ARNT2: variants seen among roughly 807,000 people sequenced by gnomAD.
The protein encoded by ARNT2 is aryl hydrocarbon receptor nuclear translocator 2.
ARNT2 carries 36 observed loss-of-function variants against 91.7 expected under a neutral mutation model. The observed-to-expected ratio is 0.39, with a 90% confidence interval of 0.30 to 0.52. The LOEUF is 0.52. Among genes scored for constraint, ARNT2 ranks in the 20% least tolerant of loss-of-function variants. The probability of loss-of-function intolerance (pLI) is 0.72; values close to 1 mark genes in which losing one functional copy is unlikely to be tolerated. For missense variants in ARNT2, 775 were observed against 939.3 expected, an observed-to-expected ratio of 0.83 and a Z score of 2.29; for synonymous variants, 365 against 347.1, an observed-to-expected ratio of 1.05 and a Z score of -0.57.
intron 2 of ARNT2, among the ~76,000 whole-genome samples, chr15:80,453,510 A>G (rs1225688588): frequency 1.3e-5 from 2 of 152,196 alleles, no homozygotes; most frequent in Non-Finnish European, 2.9e-5. Context: ...TGACGTTTTT[A>G]CATGTTTTGC....
chr15:80,528,487 A>G (rs1166011638), intron 8 of ARNT2, among the ~76,000 whole-genome samples: 2 of 151,966 alleles, frequency 1.3e-5, no homozygotes, highest in Admixed American at 1.3e-4. Flanking sequence ...CTAACTATCT[A>G]TCTACTATGG....
intron 1 of ARNT2, among the ~76,000 whole-genome samples, chr15:80,440,665 A>T (rs1595963056): frequency 6.6e-6 from 1 of 152,004 alleles, no homozygotes; most frequent in Non-Finnish European, 1.5e-5. Flanking sequence ...TAATGCCAAA[A>T]CCTGCCTGCC....
intron 3 of ARNT2, among the ~76,000 whole-genome samples, chr15:80,462,578 T>C (rs550645659): frequency 6.6e-6 from 1 of 152,198 alleles, no homozygotes; most frequent in Admixed American, 6.5e-5. Flanking sequence ...CCTAAAGGCC[T>C]TCCAAGGAGT....
intron 1 of ARNT2, among the ~76,000 whole-genome samples, chr15:80,420,135 C>A (rs1895841984): frequency 6.6e-6 from 1 of 152,190 alleles, no homozygotes; most frequent in Non-Finnish European, 1.5e-5. Flanking sequence ...CCTCTTCTAT[C>A]AGCCCCTCTT....
At position 80,597,323 on chromosome 15, in the gene ARNT2, CGGAACAGCTCTA is replaced by C; in HGVS notation, c.*3630_*3641del. The C allele has an allele frequency of 1.9e-6, 1 of 518,374 alleles. No individual in the cohort carries two copies. Among genetic ancestry groups the C allele is most frequent in the South Asian group, 1.4e-5 (1 of 71,510 alleles). 32.1% of individuals were successfully genotyped at this position (518,374 alleles called of 1,614,324 possible). A position where few individuals can be genotyped will look rare whatever the true frequency, so the allele number is the denominator to read the frequency against. ...ACATAAACAGGAAGAAGCCAGTGAC[CGGAACAGCTCTA>C]GGAATAACAAGTCAGAATAGAAGTG... On this transcript the variant is annotated 3_prime_UTR_variant, in exon 19 of 19. Coordinates refer to ENST00000303329, the MANE Select transcript of ARNT2 (RefSeq NM_014862.4).
intron 8 of ARNT2, among the ~76,000 whole-genome samples, chr15:80,517,166 G>T (rs895764829): frequency 6.6e-6 from 1 of 151,716 alleles, no homozygotes; most frequent in Non-Finnish European, 1.5e-5. Flanking sequence ...TTGGTTTTTT[G>T]TAGAAAATGT....
intron 12 of ARNT2, among the ~76,000 whole-genome samples, chr15:80,572,402 G>A (rs761453722): frequency 1.3e-5 from 2 of 151,818 alleles, no homozygotes; most frequent in Non-Finnish European, 2.9e-5. Context: ...ATTCCTGGTG[G>A]TTCCTCCCCA....
chr15:80,569,178 ACTT>A (rs1898540351), intron 12 of ARNT2, among the ~76,000 whole-genome samples: 1 of 152,126 alleles, frequency 6.6e-6, no homozygotes, highest in Admixed American at 6.5e-5. Flanking sequence ...CTTCTTGCTC[ACTT>A]ACTCAGGCTG....
At chr15:80,440,591 C>T (rs1896174526) in intron 1 of ARNT2, among the ~76,000 whole-genome samples, 1 of 152,174 alleles carries the variant, frequency 6.6e-6, no homozygotes, top group African/African-American at 2.4e-5. Flanking sequence ...CTACCTGAGC[C>T]AGCACTGTTA....
Position 80,582,328 on chromosome 15 carries a change from C to T in ARNT2, c.1918+924C>T, listed in dbSNP as rs77280352. 2.5e-4 allele frequency among the ~76,000 whole-genome samples: 17 copies of T among 66,792 alleles called. No individual in the cohort carries two copies. The East Asian group carries it at 6.9e-3, about 27-fold the overall frequency. 43.8% of individuals were successfully genotyped at this position (66,792 alleles called of 152,430 possible). A position where few individuals can be genotyped will look rare whatever the true frequency, so the allele number is the denominator to read the frequency against. On this transcript the variant is annotated intron_variant, in intron 17 of 18. Transcript: ENST00000303329. ...GCAACATTGCAAAACCCTGTCTCTA[C>T]AAAAAAAAAAAAAAAAAATTAGCCA...
chr15:80,575,499 G>A lies in ARNT2; in HGVS notation c.1513+389G>A, dbSNP rs948139009. On this transcript the variant is annotated intron_variant, in intron 14 of 18. Coordinates refer to ENST00000303329, the MANE Select transcript of ARNT2 (RefSeq NM_014862.4). ...ATTGGAGCCTGCTGTCTAGCACCCT[G>A]CCACCACTCGTGTTCCCACTCCTGT... 1.1e-4 allele frequency among the ~76,000 whole-genome samples: 16 copies of A among 152,250 alleles called. 2 individuals carry two copies. The highest frequency in any genetic ancestry group is 3.3e-4 in the Admixed American group (5 of 15,302).
At chr15:80,465,399 C>G (rs1449042952) in intron 3 of ARNT2, among the ~76,000 whole-genome samples, 1 of 152,150 alleles carries the variant, frequency 6.6e-6, no homozygotes, top group Non-Finnish European at 1.5e-5. Flanking sequence ...GTTGTTTGGA[C>G]TGCTGTGGCC....
At chr15:80,571,063 G>A (rs1456414245) in intron 12 of ARNT2, among the ~76,000 whole-genome samples, 1 of 152,190 alleles carries the variant, frequency 6.6e-6, no homozygotes, top group East Asian at 1.9e-4. Context: ...AAAGAGTTTA[G>A]AAACAGAATC....
intron 5 of ARNT2, 70 bp from the exon 6 acceptor site, chr15:80,508,086 C>G (rs1025386145): frequency 2.0e-6 from 3 of 1,466,858 alleles, no homozygotes; most frequent in Non-Finnish European, 2.9e-6. Flanking sequence ...AGAAAGCACT[C>G]CCCGAACTCC....
intron 18 of ARNT2, 80 bp from the exon 19 acceptor site, chr15:80,593,520 A>C (rs1453580123): frequency 8.4e-7 from 1 of 1,185,840 alleles, no homozygotes; most frequent in African/African-American, 1.5e-5. Context: ...GGGTGAGTGC[A>C]GACTGGGCTC....
intron 8 of ARNT2, among the ~76,000 whole-genome samples, chr15:80,545,862 T>C (rs1275923062): frequency 2.0e-5 from 3 of 152,234 alleles, no homozygotes; most frequent in African/African-American, 7.2e-5. Flanking sequence ...TGCTTTGTTC[T>C]GCTGATGAAT....
At chr15:80,529,586 A>G (rs903483407) in intron 8 of ARNT2, among the ~76,000 whole-genome samples, 2 of 151,320 alleles carry the variant, frequency 1.3e-5, no homozygotes, top group Admixed American at 6.6e-5. Context: ...ACTCAAGTGA[A>G]TGTAGTATAG....
chr15:80,528,823 T>C (rs2141439700), intron 8 of ARNT2, among the ~76,000 whole-genome samples: 1 of 152,318 alleles, frequency 6.6e-6, no homozygotes, highest in East Asian at 1.9e-4. Flanking sequence ...TGCAGAACTG[T>C]GAGCCAAATC....
At chr15:80,560,632 T>G (rs918418957) in intron 11 of ARNT2, among the ~76,000 whole-genome samples, 1 of 152,224 alleles carries the variant, frequency 6.6e-6, no homozygotes, top group African/African-American at 2.4e-5. Context: ...GCCCTTCCTG[T>G]GCTTCCTCAG....
Sources: gnomAD v4.1 joint callset for allele counts (sites outside exome capture counted in the v4.1 genomes callset) on GRCh38, gnomAD v4.1.1 for gene constraint, MANE v1.5 for transcripts, NCBI Gene and HGNC (gene_info 2026-07-23, HGNC 2026-07-21) for gene names.